Variants in WWP1 observed in about 807,000 individuals in gnomAD.
WWP1 encodes NEDD4-like E3 ubiquitin-protein ligase WWP1.
Under a neutral mutation model 130.6 loss-of-function variants are expected in WWP1, and 49 were observed. The ratio of observed to expected loss-of-function variants is 0.38; its 90% CI spans 0.30 to 0.48. The LOEUF (loss-of-function observed/expected upper bound fraction) is 0.48. Among genes scored for constraint, WWP1 ranks in the 20% least tolerant of loss-of-function variants. The probability of loss-of-function intolerance (pLI) is 0.99; values close to 1 mark genes in which losing one functional copy is unlikely to be tolerated. For synonymous variants in WWP1, 332 were observed against 367.8 expected (o/e 0.90, Z 1.11); for missense variants, 809 against 1,100.6 (o/e 0.74, Z 3.75).
chr8:86,423,796 C>T (rs532228650), intron 9 of WWP1, among the ~76,000 whole-genome samples: 107 of 136,246 alleles, frequency 7.9e-4, no homozygotes, highest in African/African-American at 2.8e-3. Context: ...CCAGAAGGGG[C>T]GGCCGGGCAG....
chr8:86,464,250 G>T (rs189892161), intron 24 of WWP1, among the ~76,000 whole-genome samples: 5 of 151,916 alleles, frequency 3.3e-5, no homozygotes, highest in African/African-American at 4.8e-5. Flanking sequence ...CTATTTATCT[G>T]TGTGGGGCTA....
At chr8:86,372,311 C>A (rs542753635) in intron 2 of WWP1, among the ~76,000 whole-genome samples, 6 of 152,086 alleles carry the variant, frequency 3.9e-5, no homozygotes, top group Non-Finnish European at 8.8e-5. Context: ...CGTGAGCCAC[C>A]GCGCCCGGCC....
rs530387579 is a variant in WWP1, at chr8:86,395,561, T to C, written c.335-2781T>C. 1.4e-3 allele frequency among the ~76,000 whole-genome samples: 206 copies of C among 152,312 alleles called. 2 individuals are homozygous for C. The highest frequency in any genetic ancestry group is 4.8e-3 in the African/African-American group (198 of 41,562). ...GACTAGGTCAGGGTTAAACCCTGAC[T>C]AGCCTAAAGAAGACCTCCTTACCAC... On this transcript the variant is annotated intron_variant, in intron 5 of 24. Coordinates refer to ENST00000517970, the MANE Select transcript of WWP1 (RefSeq NM_007013.4).
chr8:86,404,807 C>T (rs946445426), intron 8 of WWP1, among the ~76,000 whole-genome samples: 2 of 152,214 alleles, frequency 1.3e-5, no homozygotes, highest in African/African-American at 4.8e-5. Context: ...AGTAGAAGAA[C>T]TGTAATTGAC....
chr8:86,405,457 T>C (rs1156272946), intron 8 of WWP1, among the ~76,000 whole-genome samples: 2 of 152,068 alleles, frequency 1.3e-5, no homozygotes. Flanking sequence ...GAAATATTAA[T>C]GTATTTAATC....
chr8:86,402,005 A>T lies in WWP1; in HGVS notation c.540-14A>T. 1 of 1,531,828 alleles carries T rather than the reference A, an allele frequency of 6.5e-7. No individual in the cohort carries two copies. Among genetic ancestry groups the T allele is most frequent in the Non-Finnish European group, 8.8e-7 (1 of 1,133,054 alleles). 94.9% of individuals were successfully genotyped at this position (1,531,828 alleles called of 1,614,324 possible). ...TATACTTAAATGATTGAAATAAGGCATTTTTTTTTCAAGGTTGGCTGTTGA... is the reference window on the plus strand; with the variant it reads ...TATACTTAAATGATTGAAATAAGGCTTTTTTTTTTCAAGGTTGGCTGTTGA... On this transcript the variant is annotated splice_polypyrimidine_tract_variant and intron_variant, in intron 7 of 24. Transcript: ENST00000517970.
chr8:86,358,743 A>T (rs550555367), intron 1 of WWP1, among the ~76,000 whole-genome samples: 9 of 152,104 alleles, frequency 5.9e-5, no homozygotes, highest in Non-Finnish European at 1.3e-4. Context: ...TCCTGGGCTC[A>T]ATTAATCCAC....
chr8:86,383,267 GATT>G (rs772563887), intron 5 of WWP1, among the ~76,000 whole-genome samples: 2 of 151,886 alleles, frequency 1.3e-5, no homozygotes, highest in African/African-American at 2.4e-5. Context: ...ACCTTGCCTG[GATT>G]ATTATTATTT....
chr8:86,378,783 G>A (rs969445718), intron 3 of WWP1, among the ~76,000 whole-genome samples: 2 of 152,074 alleles, frequency 1.3e-5, no homozygotes, highest in Non-Finnish European at 2.9e-5. Context: ...TTCAGTGGAC[G>A]TATTTTGGAT....
chr8:86,448,098 A>C (rs1015200693), intron 18 of WWP1, 50 bp from the exon 19 acceptor site: 7 of 1,477,940 alleles, frequency 4.7e-6, no homozygotes, highest in Non-Finnish European at 9.0e-7. Flanking sequence ...GTTCTCTAAG[A>C]AATTGTTATT....
At chr8:86,378,319 T>C (rs1010931284) in intron 3 of WWP1, among the ~76,000 whole-genome samples, 1 of 152,152 alleles carries the variant, frequency 6.6e-6, no homozygotes, top group Non-Finnish European at 1.5e-5. Flanking sequence ...TCTAGGAATA[T>C]ATCATATCAT....
At chr8:86,418,807 TGTAAA>T (rs1309139162) in intron 9 of WWP1, among the ~76,000 whole-genome samples, 3 of 152,108 alleles carry the variant, frequency 2.0e-5, no homozygotes, top group Non-Finnish European at 1.5e-5. Context: ...TGAAGAAGGT[TGTAAA>T]GTAAATTTTC....
intron 21 of WWP1, among the ~76,000 whole-genome samples, chr8:86,453,345 G>A (rs941600205): frequency 6.6e-6 from 1 of 152,066 alleles, no homozygotes; most frequent in Non-Finnish European, 1.5e-5. Context: ...AGGTTCATTC[G>A]TCCTGTAGCA....
At chr8:86,418,685 T>C (rs1375495784) in intron 9 of WWP1, among the ~76,000 whole-genome samples, 1 of 152,214 alleles carries the variant, frequency 6.6e-6, no homozygotes, top group African/African-American at 2.4e-5. Context: ...CTGCTCTGCC[T>C]AGGGGTTTTC....
intron 20 of WWP1, among the ~76,000 whole-genome samples, chr8:86,449,742 T>TGTCATCTC (rs1435322397): frequency 1.3e-5 from 2 of 152,246 alleles, no homozygotes; most frequent in African/African-American, 4.8e-5. Context: ...AGATGCTAGC[T>TGTCATCTC]GTCATCTCTG....
At chr8:86,466,090 T>C (rs1438970836) in intron 24 of WWP1, among the ~76,000 whole-genome samples, 1 of 152,214 alleles carries the variant, frequency 6.6e-6, no homozygotes, top group Admixed American at 6.5e-5. Flanking sequence ...ACCAAAACCC[T>C]GAACACCCGA....
chr8:86,423,831 A>G (rs1286467370), intron 9 of WWP1, among the ~76,000 whole-genome samples: 2 of 131,664 alleles, frequency 1.5e-5, no homozygotes, highest in Non-Finnish European at 3.2e-5. Flanking sequence ...CACCTCCCGG[A>G]CGGGGCGGCG....
intron 5 of WWP1, among the ~76,000 whole-genome samples, chr8:86,389,651 T>G (rs973117101): frequency 4.6e-5 from 7 of 152,224 alleles, no homozygotes; most frequent in Non-Finnish European, 8.8e-5. Context: ...TCATGGCCCG[T>G]TCTCAATGAG....
chr8:86,447,731 C>T (rs1009518513), intron 18 of WWP1, among the ~76,000 whole-genome samples: 5 of 151,952 alleles, frequency 3.3e-5, no homozygotes, highest in African/African-American at 7.3e-5. Context: ...TGAATAGGAG[C>T]GAAGGCACGA....
Sources: allele counts gnomAD v4.1 joint callset (sites outside exome capture counted in the v4.1 genomes callset), GRCh38; gene constraint gnomAD v4.1.1; transcripts MANE v1.5; gene names NCBI Gene and HGNC (gene_info 2026-07-23, HGNC 2026-07-21).